Variants in GRID2 observed in about 807,000 individuals in gnomAD.
The protein encoded by GRID2 is glutamate ionotropic receptor delta type subunit 2.
Under a neutral mutation model 114.8 loss-of-function variants are expected in GRID2, and 33 were observed. The observed-to-expected ratio is 0.29, with a 90% confidence interval of 0.22 to 0.38. The LOEUF (loss-of-function observed/expected upper bound fraction) is 0.38. Ranked by LOEUF, GRID2 falls within the 10% of genes least tolerant of loss-of-function variation. The pLI is 1.00. For missense variants in GRID2, 1,184 were observed against 1,257.7 expected (o/e 0.94, Z 0.89); for synonymous variants, 505 against 449.9 (o/e 1.12, Z -1.55).
chr4:93,634,019 A>G (rs1276389315), intron 14 of GRID2, among the ~76,000 whole-genome samples: 1 of 152,168 alleles, frequency 6.6e-6, no homozygotes, highest in Non-Finnish European at 1.5e-5. Context: ...TAAAACCAGA[A>G]GTTAAACAGT....
intron 2 of GRID2, among the ~76,000 whole-genome samples, chr4:93,019,500 C>A (rs889189782): frequency 1.3e-5 from 2 of 152,074 alleles, no homozygotes; most frequent in Non-Finnish European, 2.9e-5. Flanking sequence ...GTGAAATGAT[C>A]AAAAATGATC....
chr4:92,534,027 A>G (rs1725484618), intron 1 of GRID2, among the ~76,000 whole-genome samples: 1 of 152,100 alleles, frequency 6.6e-6, no homozygotes, highest in Non-Finnish European at 1.5e-5. Context: ...AATTATTCAT[A>G]TGGAAATATC....
chr4:93,368,025 C>T (rs1374718494), intron 8 of GRID2, among the ~76,000 whole-genome samples: 2 of 152,020 alleles, frequency 1.3e-5, no homozygotes, highest in African/African-American at 2.4e-5. Flanking sequence ...TTAAAGAGTC[C>T]ATTTTTTTAA....
intron 1 of GRID2, among the ~76,000 whole-genome samples, chr4:92,385,312 TTGTCAG>T (rs1560599681): frequency 6.6e-6 from 1 of 151,040 alleles, no homozygotes; most frequent in African/African-American, 2.5e-5. Context: ...TTTCTACAAA[TTGTCAG>T]TGTTTTGTTG....
chr4:93,625,759 C>T (rs941924920), intron 13 of GRID2, among the ~76,000 whole-genome samples: 2 of 151,962 alleles, frequency 1.3e-5, no homozygotes, highest in African/African-American at 2.4e-5. Context: ...ACTAAAAATA[C>T]AAAAAATTAG....
intron 7 of GRID2, among the ~76,000 whole-genome samples, chr4:93,229,187 A>G (rs1355279153): frequency 6.6e-6 from 1 of 152,144 alleles, no homozygotes; most frequent in South Asian, 2.1e-4. Flanking sequence ...TACTTTTTGC[A>G]TCATATGAGT....
intron 1 of GRID2, among the ~76,000 whole-genome samples, chr4:92,549,316 A>T (rs1055747240): frequency 1.3e-5 from 2 of 152,126 alleles, no homozygotes; most frequent in Non-Finnish European, 2.9e-5. Context: ...CATTAATGTG[A>T]TCTGAGATAT....
intron 4 of GRID2, among the ~76,000 whole-genome samples, chr4:93,158,231 A>G (rs1307551764): frequency 6.6e-6 from 1 of 151,780 alleles, no homozygotes; most frequent in East Asian, 1.9e-4. Flanking sequence ...GGAGCTAGGG[A>G]GGGATAGAGA....
intron 8 of GRID2, among the ~76,000 whole-genome samples, chr4:93,286,079 G>A (rs1579547020): frequency 2.0e-5 from 3 of 151,976 alleles, no homozygotes; most frequent in South Asian, 4.1e-4. Context: ...AACTTTTTCT[G>A]CATATAGAAT....
At chr4:92,449,480 T>C (rs993142686) in intron 1 of GRID2, among the ~76,000 whole-genome samples, 6 of 151,686 alleles carry the variant, frequency 4.0e-5, no homozygotes, top group East Asian at 1.9e-4. Context: ...GTGTGGGAAA[T>C]ACATTTGCCT....
chr4:92,573,155 G>A (rs13144860), intron 1 of GRID2, among the ~76,000 whole-genome samples: 40,393 of 151,624 alleles, frequency 0.27, 5,558 homozygotes, highest in Middle Eastern at 0.37. Context: ...ATTTCTTTGG[G>A]GTCAGTGGTG....
intron 2 of GRID2, among the ~76,000 whole-genome samples, chr4:92,680,560 T>A (rs1193891495): frequency 1.3e-5 from 2 of 152,142 alleles, no homozygotes; most frequent in Non-Finnish European, 2.9e-5. Context: ...TAGGGAGAAG[T>A]AGCAACTAAA....
intron 1 of GRID2, among the ~76,000 whole-genome samples, chr4:93,788,710 C>A (rs79367327): frequency 2.8e-4 from 42 of 152,282 alleles, no homozygotes; most frequent in Non-Finnish European, 5.7e-4. Context: ...ATCTAAGGGT[C>A]TCCTATGCGG....
chr4:92,689,579 T>A (rs897526069), intron 2 of GRID2, among the ~76,000 whole-genome samples: 1 of 152,206 alleles, frequency 6.6e-6, no homozygotes, highest in East Asian at 1.9e-4. Context: ...GAACTGCACA[T>A]GCAAAGGAGC....
intron 12 of GRID2, among the ~76,000 whole-genome samples, chr4:93,500,934 T>A (rs1392765663): frequency 1.3e-5 from 2 of 152,014 alleles, no homozygotes; most frequent in Non-Finnish European, 2.9e-5. Flanking sequence ...TTGAACCACT[T>A]CACATCTACC....
At chr4:92,629,587 T>C (rs995415146) in intron 2 of GRID2, among the ~76,000 whole-genome samples, 1 of 152,002 alleles carries the variant, frequency 6.6e-6, no homozygotes, top group Admixed American at 6.6e-5. Context: ...TTTCCTCAAA[T>C]AGCCAGAAAA....
intron 4 of GRID2, chr4:93,112,126 G>A (rs1579021133): frequency 1.3e-5 from 2 of 152,106 alleles, no homozygotes; most frequent in African/African-American, 4.8e-5. Context: ...TCTGGAAGAT[G>A]GGAGTGAGTA....
intron 6 of GRID2, among the ~76,000 whole-genome samples, chr4:93,224,332 C>T (rs1418554489): frequency 6.6e-5 from 10 of 152,152 alleles, no homozygotes; most frequent in Admixed American, 5.9e-4. Context: ...TAAGGTCTAA[C>T]ACTAACAGCC....
chr4:93,318,471 A>G (rs562915474), intron 8 of GRID2, among the ~76,000 whole-genome samples: 142 of 152,218 alleles, frequency 9.3e-4, no homozygotes, highest in Middle Eastern at 3.4e-3. Context: ...CACAAGATAA[A>G]GATTTAGGCT....
Sources: gnomAD v4.1 joint callset for allele counts (sites outside exome capture counted in the v4.1 genomes callset) on GRCh38, gnomAD v4.1.1 for gene constraint, MANE v1.5 for transcripts, NCBI Gene and HGNC (gene_info 2026-07-23, HGNC 2026-07-21) for gene names.